The following CES5A variants were observed in gnomAD, a reference collection of about 807,000 sequenced individuals.
The protein encoded by CES5A is carboxylesterase 5.
In CES5A, 67 loss-of-function variants were observed where a neutral mutation model predicts 62.9. That is an observed-to-expected ratio of 1.07 (90% CI 0.88 to 1.31). The LOEUF (loss-of-function observed/expected upper bound fraction) is 1.31. Ranked by LOEUF, CES5A falls within the 50% of genes most tolerant of loss-of-function variation. The pLI, the probability that CES5A is intolerant of heterozygous loss-of-function variation, is 0.00. For synonymous variants in CES5A, 296 were observed against 280.8 expected (o/e 1.05, Z -0.54); for missense variants, 748 against 708.5 (o/e 1.06, Z -0.63).
Position 55,866,106 on chromosome 16 carries a change from G to C in CES5A, c.562C>G (p.Gln188Glu). The change falls in exon 5 of 13, where the codon CAG becomes GAG. Residue 188 changes from glutamine to glutamate, a missense_variant. Physicochemically the swap from Gln to Glu is conservative, Grantham distance 29. Coordinates refer to ENST00000290567, the MANE Select transcript of CES5A (RefSeq NM_001143685.2). ...AAGGCCCAGTTCCCCGGAGCATGCTGATCCCATGTGCTGAGGACAAGAGGC... is the reference window on the plus strand; with the variant it reads ...AAGGCCCAGTTCCCCGGAGCATGCTCATCCCATGTGCTGAGGACAAGAGGC... ...GIFGFFTTWD[Q>E]HAPGNWAFKD... is the part of the protein sequence containing the mutation. The C allele has an allele frequency of 6.2e-7, 1 of 1,612,896 alleles. No homozygotes were observed. Among genetic ancestry groups the C allele is most frequent in the Non-Finnish European group, 8.5e-7 (1 of 1,179,300 alleles).
chr16:55,850,199 TAAC>T (rs1198065506), intron 10 of CES5A, among the ~76,000 whole-genome samples: 3 of 152,236 alleles, frequency 2.0e-5, no homozygotes, highest in Non-Finnish European at 4.4e-5. Flanking sequence ...CTCATTTTCT[TAAC>T]AATATTTTTA....
chr16:55,874,742 C>A (rs1157708719), intron 1 of CES5A, among the ~76,000 whole-genome samples: 1 of 152,148 alleles, frequency 6.6e-6, no homozygotes, highest in African/African-American at 2.4e-5. Flanking sequence ...GAACGTGGAG[C>A]CTTGGGAAGG....
At chr16:55,899,862 T>C (rs1304631981) in intron 1 of CES5A, among the ~76,000 whole-genome samples, 1 of 152,232 alleles carries the variant, frequency 6.6e-6, no homozygotes, top group East Asian at 1.9e-4. Flanking sequence ...TGATATTGTC[T>C]ATATTTGAAA....
chr16:55,859,531 C>T lies in CES5A; in HGVS notation c.1056+16G>A. The stretch of plus-strand genomic sequence containing the variant: ...CGGTTTGAGGGAGTGGCAGTATGGA[C>T]AGCCAGAATTCTTACCATAGGCAGC... On this transcript the variant is annotated intron_variant, in intron 8 of 12. Transcript: ENST00000290567. The T allele has an allele frequency of 6.2e-7, 1 of 1,607,874 alleles. No individual in the cohort carries two copies. The highest frequency in any genetic ancestry group is 2.2e-5 in the East Asian group (1 of 44,856).
At chr16:55,861,699 A>G (rs2033355333) in intron 6 of CES5A, among the ~76,000 whole-genome samples, 183 bp from the exon 7 acceptor site, 1 of 152,128 alleles carries the variant, frequency 6.6e-6, no homozygotes, top group African/African-American at 2.4e-5. Flanking sequence ...TTCCCACTGC[A>G]TCACCCTCAG....
intron 9 of CES5A, among the ~76,000 whole-genome samples, chr16:55,854,531 C>CTTTCTGTTTTCTTTCTTTTTTTTT (rs1555479325): frequency 3.8e-5 from 2 of 52,162 alleles, no homozygotes; most frequent in African/African-American, 1.8e-4. Context: ...TGTAGTGTTT[C>CTTTCTGTTTTCTTTCTTTTTTTTT]TTTTTTTTTT....
At chr16:55,851,225 G>A (rs1233884900) in intron 10 of CES5A, among the ~76,000 whole-genome samples, 1 of 151,964 alleles carries the variant, frequency 6.6e-6, no homozygotes, top group Non-Finnish European at 1.5e-5. Flanking sequence ...CAGAATGGGA[G>A]AAAATATTTG....
At chr16:55,853,777 A>G (rs1303011152) in intron 9 of CES5A, among the ~76,000 whole-genome samples, 3 of 152,118 alleles carry the variant, frequency 2.0e-5, no homozygotes, top group African/African-American at 7.2e-5. Flanking sequence ...AACTTTCCCT[A>G]GGCACTAATG....
upstream of CES5A, among the ~76,000 whole-genome samples, chr16:55,878,807 C>T (rs1406898244): frequency 6.7e-6 from 1 of 148,670 alleles, no homozygotes; most frequent in Non-Finnish European, 1.5e-5. Context: ...TGTACCCTAC[C>T]ACTGCACTCC....
chr16:55,915,474 G>C (rs1179575697), intron 1 of CES5A, among the ~76,000 whole-genome samples: 21 of 152,046 alleles, frequency 1.4e-4, no homozygotes, highest in Non-Finnish European at 2.8e-4. Flanking sequence ...GAAGGAGAAA[G>C]GTGAGATGTT....
chr16:55,882,956 T>C (rs756783037), intron 1 of CES5A, among the ~76,000 whole-genome samples: 5 of 152,204 alleles, frequency 3.3e-5, no homozygotes, highest in African/African-American at 4.8e-5. Flanking sequence ...TGGACTATAT[T>C]GTGAGAGGCA....
intron 10 of CES5A, 76 bp from the exon 11 acceptor site, chr16:55,849,849 A>C (rs7186875): frequency 0.69 from 1,046,049 of 1,509,554 alleles, 365,065 homozygotes; most frequent in Non-Finnish European, 0.71. Context: ...CCACCTATCA[A>C]GTCTTGGATG....
chr16:55,942,694 G>C (rs551793647), intron 2 of CES5A, among the ~76,000 whole-genome samples: 26 of 152,254 alleles, frequency 1.7e-4, no homozygotes, highest in African/African-American at 5.5e-4. Context: ...AACAGAAATG[G>C]GTTCATATGT....
At chr16:55,860,698 G>C (rs1272733434) in intron 7 of CES5A, among the ~76,000 whole-genome samples, 2 of 152,182 alleles carry the variant, frequency 1.3e-5, no homozygotes, top group African/African-American at 4.8e-5. Context: ...TTTCTGTTTT[G>C]AGATTTGGGT....
chr16:55,858,509 C>A (rs139442644), intron 8 of CES5A, among the ~76,000 whole-genome samples: 2 of 152,142 alleles, frequency 1.3e-5, no homozygotes, highest in Admixed American at 6.5e-5. Flanking sequence ...CCATGAACTG[C>A]GATTCAGTGG....
intron 5 of CES5A, 59 bp downstream of exon 5, chr16:55,865,904 C>G: frequency 6.3e-7 from 1 of 1,584,830 alleles, no homozygotes; most frequent in Non-Finnish European, 8.7e-7. Flanking sequence ...AGTGACTCAT[C>G]ATCATTTTTG....
chr16:55,944,039 G>C, intron 2 of CES5A: 1 of 702,068 alleles, frequency 1.4e-6, no homozygotes, highest in South Asian at 1.5e-5. Context: ...TGAGGTGAAG[G>C]GGACTCACCT....
intron 2 of CES5A, among the ~76,000 whole-genome samples, chr16:55,938,751 AAAAAAAAAAAAAAAATAT>A (rs2034406149): frequency 2.7e-5 from 2 of 74,284 alleles, no homozygotes; most frequent in African/African-American, 1.2e-4. Context: ...AAAAAAAAAA[AAAAAAAAAAAAAAAATAT>A]ATATATATAT....
rs1295919627 is a variant in CES5A at position 55,871,752 on chromosome 16, T to C, written c.290A>G (p.Asn97Ser). ...TTGATCTAAGAGCAGCCACTCTGAG[T>C]TCTGGAGGCACCTTGGAGAAGGAGA... The part of the protein sequence containing the change: ...ATSYPNLCLQ[N>S]SEWLLLDQHM... Residue 97 changes from asparagine (N) to serine (S), a missense_variant, in exon 3 of 13, where the codon AAC becomes AGC. Coordinates refer to ENST00000290567, the MANE Select transcript of CES5A (RefSeq NM_001143685.2). 6.2e-7 allele frequency: 1 copy of C among 1,613,920 alleles called. No individual in the cohort carries two copies.
Sources: gnomAD v4.1 joint callset for allele counts (sites outside exome capture counted in the v4.1 genomes callset) on GRCh38, gnomAD v4.1.1 for gene constraint, MANE v1.5 for transcripts, NCBI Gene and HGNC (gene_info 2026-07-23, HGNC 2026-07-21) for gene names.